Variants in KCNN3 observed in about 807,000 individuals in gnomAD.
KCNN3 encodes the protein potassium calcium-activated channel subfamily N member 3, also known as small conductance calcium-activated potassium channel protein 3.
A neutral mutation model predicts 62.9 loss-of-function variants in KCNN3; 16 were observed. The ratio of observed to expected loss-of-function variants is 0.25; its 90% CI spans 0.17 to 0.39. KCNN3 has a LOEUF of 0.39. Among genes scored for constraint, KCNN3 ranks in the 10% least tolerant of loss-of-function variants. The probability of loss-of-function intolerance (pLI) is 1.00; values close to 1 mark genes in which losing one functional copy is unlikely to be tolerated. For synonymous variants in KCNN3, 370 were observed against 389.2 expected (o/e 0.95, Z 0.58); for missense variants, 599 against 949.4 (o/e 0.63, Z 4.85).
intron 4 of KCNN3, among the ~76,000 whole-genome samples, chr1:154,727,526 T>A (rs1700496856): frequency 1.3e-5 from 2 of 152,194 alleles, no homozygotes; most frequent in South Asian, 4.1e-4. Flanking sequence ...CACAATGCTT[T>A]CTCCTCGTTT....
chr1:154,772,437 G>T lies in KCNN3; in HGVS notation c.1030-44C>A, dbSNP rs777906070. 6.2e-7 allele frequency: 1 copy of T among 1,601,096 alleles called. No homozygotes were observed. The highest frequency in any genetic ancestry group is 1.1e-5 in the South Asian group (1 of 89,652). Reference sequence around the variant, plus strand: ...CCATTAGTGTGGCCAGGACCAGGAAGCCCACAGCAGGGTCCAGGCAGGACA... The same window carrying T: ...CCATTAGTGTGGCCAGGACCAGGAATCCCACAGCAGGGTCCAGGCAGGACA... On this transcript the variant is annotated intron_variant, in intron 2 of 7. Transcript: ENST00000271915. This position sits in a 1 kb window ranked among gnomAD's most constrained non-coding sequence, Gnocchi z 5.6.
At chr1:154,728,009 A>G (rs1011030405) in intron 4 of KCNN3, among the ~76,000 whole-genome samples, 1 of 152,182 alleles carries the variant, frequency 6.6e-6, no homozygotes, top group Admixed American at 6.5e-5. Flanking sequence ...GCAAAACTCT[A>G]CTTAAATCAT....
chr1:154,793,970 T>G lies in KCNN3; in HGVS notation c.1030-21577A>C, dbSNP rs570684043. The stretch of plus-strand genomic sequence containing the variant: ...CTCACTGATGCATCCAGCCCTCGAA[T>G]GTGCACAGCACTGTCCCAGGGCTAG... On this transcript the variant is annotated intron_variant, in intron 2 of 7. Transcript: ENST00000271915. 1.3e-4 allele frequency among the ~76,000 whole-genome samples: 20 copies of G among 152,320 alleles called. No homozygotes were observed. In the East Asian group the frequency reaches 2.9e-3, roughly 22 times the overall value.
intron 1 of KCNN3, among the ~76,000 whole-genome samples, chr1:154,865,609 T>C (rs1037204374): frequency 1.3e-5 from 2 of 152,180 alleles, no homozygotes; most frequent in African/African-American, 4.8e-5. Flanking sequence ...TCTGTCCCGG[T>C]TGCTCAACCC....
chr1:154,826,062 C>A (rs1038729270), intron 1 of KCNN3, among the ~76,000 whole-genome samples: 2 of 129,406 alleles, frequency 1.5e-5, no homozygotes, highest in African/African-American at 6.5e-5. Context: ...AAAACAAAAA[C>A]AAAAACAAAA....
chr1:154,831,914 T>C (rs1280216469), intron 1 of KCNN3, among the ~76,000 whole-genome samples: 5 of 151,926 alleles, frequency 3.3e-5, no homozygotes, highest in Non-Finnish European at 7.4e-5. Context: ...CACCAGGAGA[T>C]CAGCTAGTTC....
chr1:154,741,186 G>C lies in KCNN3; in HGVS notation c.1449-8042C>G, dbSNP rs186794623. Among the ~76,000 whole-genome samples, 411 of 152,288 alleles carry C rather than the reference G, an allele frequency of 2.7e-3. 2 individuals are homozygous for C. Among genetic ancestry groups the C allele is most frequent in the South Asian group, 0.014 (68 of 4,834 alleles). On this transcript the variant is annotated intron_variant, in intron 3 of 7. Transcript: ENST00000271915. The stretch of plus-strand genomic sequence containing the variant: ...TTCACATGGGTAAGCAATTATCTCA[G>C]TTTCACTTAATGTGCAGACCATCCT...
Position 154,869,929 on chromosome 1 carries a change from C to T in KCNN3, c.36G>A (p.Val12=). 6.2e-7 allele frequency: 1 copy of T among 1,610,908 alleles called. No individual in the cohort carries two copies. Among genetic ancestry groups the T allele is most frequent in the Middle Eastern group, 1.7e-4 (1 of 6,050 alleles). Residue 12 remains valine (V), a synonymous_variant, in exon 1 of 8, where the codon GTG becomes GTA. Transcript: ENST00000271915. This position sits in a 1 kb window ranked among gnomAD's most constrained non-coding sequence, Gnocchi z 6.1. ...DTSGHFHDSG[V]GDLDEDPKCP... is the part of the protein sequence containing the mutation. The stretch of plus-strand genomic sequence containing the variant: ...ACTTGGGGTCTTCATCCAAGTCCCC[C>T]ACCCCCGAGTCATGGAAGTGCCCAG...
At chr1:154,726,091 C>T (rs1700455892) in intron 4 of KCNN3, 65 bp from the exon 5 acceptor site, 4 of 1,237,602 alleles carry the variant, frequency 3.2e-6, no homozygotes, top group African/African-American at 1.5e-5. Flanking sequence ...AGATGAGAGA[C>T]TCAACACGCC....
chr1:154,801,853 T>C (rs1171081773), intron 2 of KCNN3, among the ~76,000 whole-genome samples: 1 of 152,130 alleles, frequency 6.6e-6, no homozygotes, highest in Admixed American at 6.5e-5. Flanking sequence ...TTTGCTGATG[T>C]CAGCACCAAG....
chr1:154,755,669 AAG>A (rs899126478), intron 3 of KCNN3, among the ~76,000 whole-genome samples: 1 of 145,486 alleles, frequency 6.9e-6, no homozygotes, highest in African/African-American at 2.5e-5. Context: ...GGAAGGAAGA[AAG>A]AGGGAGAGAG....
chr1:154,757,839 G>A (rs1274056173), intron 3 of KCNN3, among the ~76,000 whole-genome samples: 2 of 152,156 alleles, frequency 1.3e-5, no homozygotes, highest in Non-Finnish European at 2.9e-5. Flanking sequence ...CCTGACTTTG[G>A]ATACTCAAGG....
chr1:154,753,081 T>C (rs1647463519), intron 3 of KCNN3, among the ~76,000 whole-genome samples: 2 of 152,206 alleles, frequency 1.3e-5, no homozygotes, highest in Non-Finnish European at 2.9e-5. Context: ...AACAAGACAA[T>C]TTAAGAATAC....
chr1:154,747,572 G>A (rs2101809444), intron 3 of KCNN3, among the ~76,000 whole-genome samples: 1 of 152,226 alleles, frequency 6.6e-6, no homozygotes, highest in South Asian at 2.1e-4. Context: ...ACTCTGATTT[G>A]CTTTCTTCAG....
Position 154,780,959 on chromosome 1 carries a change from C to T in KCNN3, c.1030-8566G>A, listed in dbSNP as rs554285239. ...AAGATGCTTAGGGCGTTGGGGTCCA[C>T]GCTACCCCGCTCTGTGTCTAAGAAG... is the stretch of plus-strand genomic sequence containing the variant. On this transcript the variant is annotated intron_variant, in intron 2 of 7. Transcript: ENST00000271915. 4.6e-5 allele frequency among the ~76,000 whole-genome samples: 7 copies of T among 152,278 alleles called. No individual in the cohort carries two copies. The East Asian group carries it at 9.6e-4, about 21-fold the overall frequency.
At chr1:154,853,016 G>T (rs944017050) in intron 1 of KCNN3, among the ~76,000 whole-genome samples, 1 of 152,090 alleles carries the variant, frequency 6.6e-6, no homozygotes, top group Admixed American at 6.5e-5. Context: ...TTAGAGACAG[G>T]GTTTCACATG....
rs1430432178 is a variant in KCNN3, at chr1:154,869,008, A to G, written c.933+24T>C. On this transcript the variant is annotated intron_variant, in intron 1 of 7. Transcript: ENST00000271915. This position sits in a 1 kb window ranked among gnomAD's most constrained non-coding sequence, Gnocchi z 6.1. Reference sequence around the variant, plus strand: ...CCTACATATTCCTTTTGTTCAAGGTATAAAGAGAAACCACAGCCCCTACCT... The same window carrying G: ...CCTACATATTCCTTTTGTTCAAGGTGTAAAGAGAAACCACAGCCCCTACCT... 6 of 1,611,970 alleles carry G rather than the reference A, an allele frequency of 3.7e-6. No individual in the cohort carries two copies. Among genetic ancestry groups the G allele is most frequent in the Admixed American group, 1.7e-5 (1 of 59,994 alleles).
intron 3 of KCNN3, chr1:154,737,184 C>A: frequency 1.2e-5 from 3 of 250,652 alleles, no homozygotes; most frequent in South Asian, 1.4e-4. Context: ...TAATCTTGTG[C>A]TATTTTTTGC....
Position 154,703,567 on chromosome 1 carries a change from A to G in KCNN3, c.*4409T>C, listed in dbSNP as rs1321269319. On this transcript the variant is annotated 3_prime_UTR_variant, in exon 8 of 8. Coordinates refer to ENST00000271915, the MANE Select transcript of KCNN3 (RefSeq NM_002249.6). ...AAGAGTAGTAACCTACTGGTAGTGC[A>G]ATGACTTCACAGTATCTCAGTTGTG... 6.6e-6 allele frequency: 1 copy of G among 152,230 alleles called. No individual in the cohort carries two copies. The highest frequency in any genetic ancestry group is 1.5e-5 in the Non-Finnish European group (1 of 68,044). 9.4% of individuals were successfully genotyped at this position (152,230 alleles called of 1,614,324 possible).
Sources: gnomAD v4.1 joint callset for allele counts (sites outside exome capture counted in the v4.1 genomes callset) on GRCh38, gnomAD v4.1.1 for gene constraint, Gnocchi (gnomAD v3.1) non-coding constraint, MANE v1.5 for transcripts, NCBI Gene and HGNC (gene_info 2026-07-23, HGNC 2026-07-21) for gene names.